Variants in QRICH1 observed in about 807,000 individuals in gnomAD.
QRICH1 encodes transcriptional regulator QRICH1.
A neutral mutation model predicts 87.1 loss-of-function variants in QRICH1; 16 were observed. The ratio of observed to expected loss-of-function variants is 0.18; its 90% CI spans 0.12 to 0.28. The LOEUF (loss-of-function observed/expected upper bound fraction) is 0.28. QRICH1 is among the 10% of genes least tolerant of loss of function. QRICH1 has a pLI of 1.00. For missense variants in QRICH1, 647 were observed against 951.7 expected, an observed-to-expected ratio of 0.68 and a Z score of 4.21; for synonymous variants, 367 against 368.4, an observed-to-expected ratio of 1.00 and a Z score of 0.05.
chr3:49,034,100 A>ATTT (rs2093259973), intron 6 of QRICH1, among the ~76,000 whole-genome samples: 1 of 150,858 alleles, frequency 6.6e-6, no homozygotes, highest in African/African-American at 2.4e-5. Flanking sequence ...TATTATTATT[A>ATTT]TTATTATTAG....
At chr3:49,079,915 GC>G (rs1406002123) in intron 1 of QRICH1, among the ~76,000 whole-genome samples, 7 of 152,016 alleles carry the variant, frequency 4.6e-5, no homozygotes, top group Non-Finnish European at 7.3e-5. Flanking sequence ...TGTAATACCA[GC>G]TACTCGGGAG....
intron 1 of QRICH1, among the ~76,000 whole-genome samples, chr3:49,084,111 A>G (rs962921369): frequency 1.3e-5 from 2 of 151,500 alleles, no homozygotes; most frequent in East Asian, 2.0e-4. Flanking sequence ...ACATCCGGCT[A>G]ATTTTTATAT....
At position 49,056,852 on chromosome 3, in the gene QRICH1, C is replaced by T. The variant is rs763482077; in HGVS notation, c.1338+10G>A. The T allele has an allele frequency of 1.9e-6, 3 of 1,614,086 alleles. No homozygotes were observed. The highest frequency in any genetic ancestry group is 1.3e-5 in the African/African-American group (1 of 74,944). On this transcript the variant is annotated intron_variant, in intron 3 of 9. Transcript: ENST00000395443. ...CAGGCTGCCTGCCCTACTGATAAGT[C>T]TTCACTTACTGAACAAGTAACTTGG...
intron 3 of QRICH1, among the ~76,000 whole-genome samples, chr3:49,050,433 A>C (rs888990720): frequency 4.3e-5 from 6 of 140,904 alleles, no homozygotes. Context: ...AAAAAAAAAA[A>C]AAAAAAAAAA....
chr3:49,063,367 G>A (rs1205877805), intron 2 of QRICH1, among the ~76,000 whole-genome samples: 1 of 152,156 alleles, frequency 6.6e-6, no homozygotes, highest in Non-Finnish European at 1.5e-5. Context: ...TCTAAGAAGT[G>A]GTTTTATCAA....
Position 49,057,740 on chromosome 3 carries a change from G to C in QRICH1, c.460C>G (p.Pro154Ala). The C allele has an allele frequency of 6.2e-7, 1 of 1,614,208 alleles. No homozygotes were observed. The highest frequency in any genetic ancestry group is 8.5e-7 in the Non-Finnish European group (1 of 1,180,040). The change falls in exon 3 of 10, where the codon CCG (proline) becomes GCG (alanine). Residue 154 changes from proline (P) to alanine (A), a missense_variant. Pro to Ala is a conservative substitution (Grantham distance 27, BLOSUM62 -1). This residue lies in a region of QRICH1 where 156 missense variants were observed against 164.5 expected (regional missense o/e 0.95). Transcript: ENST00000395443. The surrounding 1 kb of genome is among the most constrained non-coding windows in gnomAD (Gnocchi z 5.4). ...PQSAAPSIQT[P>A]SLQSPSPSQL... ...GAGGGACTGGGACTCTGCAGAGACG[G>C]GGTCTGAATGGAGGGGGCTGCTGAC...
chr3:49,091,306 C>G (rs1453880608), intron 1 of QRICH1, among the ~76,000 whole-genome samples: 2 of 152,084 alleles, frequency 1.3e-5, no homozygotes, highest in Non-Finnish European at 2.9e-5. Context: ...ATCAGAGACC[C>G]TTACAGATCA....
At chr3:49,070,946 C>T (rs889958059) in intron 2 of QRICH1, among the ~76,000 whole-genome samples, 27 of 152,034 alleles carry the variant, frequency 1.8e-4, no homozygotes, top group African/African-American at 5.8e-4. Flanking sequence ...GCTCTGTCAC[C>T]CAGGCTGTGG....
chr3:49,050,066 G>A (rs998230374), intron 3 of QRICH1, among the ~76,000 whole-genome samples: 11 of 150,886 alleles, frequency 7.3e-5, no homozygotes, highest in Middle Eastern at 3.4e-3. Flanking sequence ...GCTGGGCGCG[G>A]TGGCTCACGC....
chr3:49,073,833 G>GA (rs1018075260), intron 2 of QRICH1, among the ~76,000 whole-genome samples: 1 of 151,818 alleles, frequency 6.6e-6, no homozygotes, highest in Non-Finnish European at 1.5e-5. Context: ...ATTTTTGGTA[G>GA]AAACAGGGTT....
At chr3:49,069,031 G>C (rs1379034575) in intron 2 of QRICH1, among the ~76,000 whole-genome samples, 1 of 151,022 alleles carries the variant, frequency 6.6e-6, no homozygotes, top group African/African-American at 2.4e-5. Context: ...AGAAATTTGT[G>C]ATAAGACTTT....
At chr3:49,075,284 G>A (rs533224842) in intron 2 of QRICH1, among the ~76,000 whole-genome samples, 14 of 150,450 alleles carry the variant, frequency 9.3e-5, no homozygotes, top group Admixed American at 2.7e-4. Context: ...AGGAGTGATC[G>A]TGCCACTGCA....
At chr3:49,092,366 T>C (rs1001905266) in intron 1 of QRICH1, 1 of 152,096 alleles carries the variant, frequency 6.6e-6, no homozygotes, top group Non-Finnish European at 1.5e-5. Flanking sequence ...TGTGCACAGA[T>C]ACTTCCAGGA....
At chr3:49,053,564 T>C (rs146800076) in intron 3 of QRICH1, among the ~76,000 whole-genome samples, 182 of 151,420 alleles carry the variant, frequency 1.2e-3, no homozygotes, top group African/African-American at 4.2e-3. Context: ...ACATACTTGC[T>C]GGTCTGAACT....
At chr3:49,069,439 C>CAAGG (rs1276570666) in intron 2 of QRICH1, among the ~76,000 whole-genome samples, 1 of 151,708 alleles carries the variant, frequency 6.6e-6, no homozygotes, top group African/African-American at 2.4e-5. Flanking sequence ...ACGTTTCCTC[C>CAAGG]AATTACACTT....
chr3:49,048,884 T>C lies in QRICH1; in HGVS notation c.1339-1638A>G, dbSNP rs115443294. Among the ~76,000 whole-genome samples the C allele has an allele frequency of 6.0e-3, 908 of 151,430 alleles. 4 individuals carry two copies. Among genetic ancestry groups the C allele is most frequent in the Non-Finnish European group, 0.01 (689 of 67,818 alleles). ...GGTAGAGGCACATTGTCAGTATTTT[T>C]AAAAGCTTCCCATGTGATTTTTTTT... On this transcript the variant is annotated intron_variant, in intron 3 of 9. Coordinates refer to ENST00000395443, the MANE Select transcript of QRICH1 (RefSeq NM_198880.3).
intron 1 of QRICH1, among the ~76,000 whole-genome samples, chr3:49,081,273 C>T (rs971590488): frequency 5.9e-5 from 9 of 151,862 alleles, no homozygotes; most frequent in Non-Finnish European, 2.9e-5. Context: ...AAAAATTAGC[C>T]GGGCATGATG....
At chr3:49,047,706 C>T (rs2093346735) in intron 3 of QRICH1, among the ~76,000 whole-genome samples, 1 of 151,974 alleles carries the variant, frequency 6.6e-6, no homozygotes, top group Non-Finnish European at 1.5e-5. Context: ...TGGTCTTGAA[C>T]TCCCAACCTC....
In QRICH1 at chr3:49,064,965, G is replaced by A. The variant is rs557244991; in HGVS notation, c.310-7075C>T. On this transcript the variant is annotated intron_variant, in intron 2 of 9. Coordinates refer to ENST00000395443, the MANE Select transcript of QRICH1 (RefSeq NM_198880.3). Reference sequence around the variant, plus strand: ...CCAGGAGGCAGAGGTTGCAGTGAGCGGAGATCGTGTCACTCATGCCAGCCT... The same window carrying A: ...CCAGGAGGCAGAGGTTGCAGTGAGCAGAGATCGTGTCACTCATGCCAGCCT... 9.9e-4 allele frequency among the ~76,000 whole-genome samples: 151 copies of A among 152,050 alleles called. 1 individual carries two copies. The highest frequency in any genetic ancestry group is 3.3e-3 in the African/African-American group (138 of 41,524).
Sources: gnomAD v4.1 joint callset for allele counts (sites outside exome capture counted in the v4.1 genomes callset) on GRCh38, gnomAD v4.1.1 for gene constraint, gnomAD v4.1.1 regional missense constraint, Gnocchi (gnomAD v3.1) non-coding constraint, MANE v1.5 for transcripts, NCBI Gene and HGNC (gene_info 2026-07-23, HGNC 2026-07-21) for gene names.